The following LUC7L variants were observed in gnomAD, a reference collection of about 807,000 sequenced individuals.
LUC7L encodes the protein LUC7 like.
In LUC7L, 29 loss-of-function variants were observed where a neutral mutation model predicts 51.1. The observed-to-expected ratio is 0.57, with a 90% CI of 0.42 to 0.77. LUC7L has a LOEUF of 0.77. Among genes scored for constraint, LUC7L ranks in the 30% least tolerant of loss-of-function variants. The pLI is 0.00. For missense variants in LUC7L, 403 were observed against 511.9 expected (o/e 0.79, Z 2.05); for synonymous variants, 181 against 180.7 (o/e 1.00, Z -0.01).
intron 3 of LUC7L, among the ~76,000 whole-genome samples, chr16:218,458 C>T (rs1431307573): frequency 2.6e-5 from 4 of 152,174 alleles, no homozygotes; most frequent in Non-Finnish European, 4.4e-5. Flanking sequence ...AGTGTAATCA[C>T]ACCTGTAAAC....
At chr16:192,352 T>G (rs373569226) in intron 7 of LUC7L, among the ~76,000 whole-genome samples, 4 of 152,080 alleles carry the variant, frequency 2.6e-5, no homozygotes, top group East Asian at 3.8e-4. Flanking sequence ...CGTAAACAGG[T>G]GTCCAATGGC....
intron 5 of LUC7L, among the ~76,000 whole-genome samples, chr16:204,214 C>G (rs969687054): frequency 5.2e-4 from 78 of 151,150 alleles, no homozygotes; most frequent in Middle Eastern, 3.4e-3. Context: ...GAGGCCAAGG[C>G]AGACGGATCA....
chr16:214,439 A>G (rs1470675162), intron 3 of LUC7L, among the ~76,000 whole-genome samples: 1 of 152,224 alleles, frequency 6.6e-6, no homozygotes, highest in Non-Finnish European at 1.5e-5. Flanking sequence ...TAGGTTCATT[A>G]TAATTTATTC....
chr16:227,548 T>C (rs558870431), intron 1 of LUC7L: 529 of 1,390,636 alleles, frequency 3.8e-4, no homozygotes, highest in Admixed American at 6.7e-4. Context: ...TCACACTTAA[T>C]GAGATCTGAC....
intron 1 of LUC7L, 109 bp downstream of exon 1, chr16:229,170 G>A: frequency 7.5e-6 from 11 of 1,460,312 alleles, no homozygotes; most frequent in South Asian, 1.4e-5. Flanking sequence ...GAGGAGCGAT[G>A]CCCCGCGCAG....
chr16:199,756 CAAAAAAAAAAAA>C (rs11361921), intron 5 of LUC7L, among the ~76,000 whole-genome samples: 32 of 61,726 alleles, frequency 5.2e-4, no homozygotes, highest in Admixed American at 4.6e-3. Flanking sequence ...AACCCTGTCT[CAAAAAAAAAAAA>C]AAAAAAAAAA....
intron 4 of LUC7L, among the ~76,000 whole-genome samples, chr16:206,581 GA>G: frequency 6.6e-6 from 1 of 151,968 alleles, no homozygotes; most frequent in East Asian, 1.9e-4. Flanking sequence ...TTACAACACT[GA>G]AAAGAAAAAA....
chr16:190,068 G>C lies in LUC7L; in HGVS notation c.874C>G (p.Arg292Gly). Residue 292 changes from arginine (R) to glycine (G), a missense_variant, in exon 9 of 10, where the codon CGG becomes GGG. Transcript: ENST00000293872. ...STSRERRKLS[R>G]SRSRDRHRRH... is the part of the protein sequence containing the mutation. ...CGATGTCTATCTCGGGACCGGGACC[G>C]GGACAATTTCCGTCGCTCTCGGGAG... is the stretch of plus-strand genomic sequence containing the variant. 7 of 1,613,614 alleles carry C rather than the reference G, an allele frequency of 4.3e-6. No individual in the cohort carries two copies. The highest frequency in any genetic ancestry group is 1.1e-5 in the South Asian group (1 of 91,080).
At chr16:189,710 AGCAT>A (rs1260801449) in intron 9 of LUC7L, 3 of 1,364,786 alleles carry the variant, frequency 2.2e-6, no homozygotes, top group Middle Eastern at 2.7e-4. Flanking sequence ...AGCCACTCTG[AGCAT>A]GGACGCAACA....
At chr16:217,413 A>G (rs1462797019) in intron 3 of LUC7L, among the ~76,000 whole-genome samples, 1 of 151,898 alleles carries the variant, frequency 6.6e-6, no homozygotes, top group East Asian at 1.9e-4. Context: ...GCCACAACAA[A>G]TTTTTTAAAT....
intron 3 of LUC7L, among the ~76,000 whole-genome samples, chr16:219,021 C>A (rs936043489): frequency 3.3e-5 from 5 of 151,428 alleles, no homozygotes; most frequent in Admixed American, 6.6e-5. Flanking sequence ...ATCACTGAGC[C>A]GAAGAGGTCA....
chr16:223,934 T>C (rs1268985440), intron 2 of LUC7L, among the ~76,000 whole-genome samples: 3 of 151,930 alleles, frequency 2.0e-5, no homozygotes, highest in Non-Finnish European at 4.4e-5. Context: ...CTCCTCCTCC[T>C]CCCGAAGTGC....
At chr16:206,700 T>C (rs758666247) in intron 4 of LUC7L, among the ~76,000 whole-genome samples, 5 of 152,118 alleles carry the variant, frequency 3.3e-5, no homozygotes, top group Non-Finnish European at 7.3e-5. Flanking sequence ...GATATGGATG[T>C]ACCACAGTTT....
intron 5 of LUC7L, among the ~76,000 whole-genome samples, chr16:201,668 T>G (rs572142236): frequency 6.6e-6 from 1 of 150,980 alleles, no homozygotes; most frequent in African/African-American, 2.4e-5. Context: ...CTCGATCTCC[T>G]GACCTCGTGA....
chr16:225,182 G>A (rs767244770), intron 2 of LUC7L, among the ~76,000 whole-genome samples: 6 of 151,864 alleles, frequency 4.0e-5, no homozygotes, highest in South Asian at 2.1e-4. Flanking sequence ...CAAAGTTTCC[G>A]GAACCTTCAG....
intron 5 of LUC7L, among the ~76,000 whole-genome samples, chr16:204,548 C>A (rs2049426835): frequency 6.7e-6 from 1 of 150,372 alleles, no homozygotes; most frequent in African/African-American, 2.5e-5. Flanking sequence ...GAACTGAGAT[C>A]GCACCACTGC....
chr16:199,756 C>CA (rs11361921), intron 5 of LUC7L, among the ~76,000 whole-genome samples: 778 of 61,210 alleles, frequency 0.013, 4 homozygotes, highest in African/African-American at 0.031. Context: ...AACCCTGTCT[C>CA]AAAAAAAAAA....
chr16:210,944 G>A (rs893927509), intron 3 of LUC7L, among the ~76,000 whole-genome samples: 2 of 146,654 alleles, frequency 1.4e-5, no homozygotes, highest in Non-Finnish European at 3.0e-5. Flanking sequence ...CCAGGTACCC[G>A]GGAGGCTGAG....
intron 6 of LUC7L, among the ~76,000 whole-genome samples, chr16:197,268 C>T (rs2049179009): frequency 7.5e-6 from 1 of 134,034 alleles, no homozygotes; most frequent in Admixed American, 8.6e-5. Flanking sequence ...GGCTGGAGTG[C>T]AGTGGCACAA....
Sources: gnomAD v4.1 joint callset for allele counts (sites outside exome capture counted in the v4.1 genomes callset) on GRCh38, gnomAD v4.1.1 for gene constraint, MANE v1.5 for transcripts, NCBI Gene and HGNC (gene_info 2026-07-23, HGNC 2026-07-21) for gene names.